The following MDGA2 variants were observed in gnomAD, a reference collection of about 807,000 sequenced individuals.
MDGA2 encodes MAM domain containing glycosylphosphatidylinositol anchor 2.
Under a neutral mutation model 117.8 loss-of-function variants are expected in MDGA2, and 40 were observed. The ratio of observed to expected loss-of-function variants is 0.34; its 90% CI spans 0.26 to 0.44. The LOEUF is 0.44. Among genes scored for constraint, MDGA2 ranks in the 20% least tolerant of loss-of-function variants. MDGA2 has a pLI of 1.00. For synonymous variants in MDGA2, 452 were observed against 439.0 expected, an observed-to-expected ratio of 1.03 and a Z score of -0.37; for missense variants, 1,123 against 1,250.6, an observed-to-expected ratio of 0.90 and a Z score of 1.54.
intron 5 of MDGA2, among the ~76,000 whole-genome samples, chr14:47,109,110 G>A (rs1318504067): frequency 6.6e-6 from 1 of 152,164 alleles, no homozygotes; most frequent in Non-Finnish European, 1.5e-5. Flanking sequence ...CTCCCATAGA[G>A]AGAAAAATCC....
chr14:46,852,716 T>A (rs1325747496), intron 15 of MDGA2, among the ~76,000 whole-genome samples: 1 of 151,864 alleles, frequency 6.6e-6, no homozygotes, highest in African/African-American at 2.4e-5. Flanking sequence ...GGACATTTGG[T>A]AGACGACTCA....
At chr14:47,053,836 T>G (rs1889564559) in intron 7 of MDGA2, among the ~76,000 whole-genome samples, 2 of 151,912 alleles carry the variant, frequency 1.3e-5, no homozygotes, top group South Asian at 4.1e-4. Context: ...CGCTTCTCTC[T>G]GCAGTTCAGT....
chr14:47,437,486 A>G (rs1228270977), intron 1 of MDGA2, among the ~76,000 whole-genome samples: 2 of 152,162 alleles, frequency 1.3e-5, no homozygotes, highest in African/African-American at 4.8e-5. Context: ...ATTGCAAATT[A>G]CTAGAAGACA....
intron 2 of MDGA2, among the ~76,000 whole-genome samples, chr14:47,231,812 A>G (rs1886702690): frequency 6.6e-6 from 1 of 152,008 alleles, no homozygotes; most frequent in Non-Finnish European, 1.5e-5. Context: ...AGGTCTGAGA[A>G]TCTTCTGAAA....
intron 4 of MDGA2, among the ~76,000 whole-genome samples, chr14:47,139,578 G>C (rs1173809652): frequency 8.6e-5 from 13 of 150,862 alleles, no homozygotes; most frequent in African/African-American, 2.9e-4. Context: ...AAGCCACAAA[G>C]GTCAATGACT....
chr14:47,098,162 GT>G (rs113151791), intron 5 of MDGA2, among the ~76,000 whole-genome samples: 2 of 141,594 alleles, frequency 1.4e-5, no homozygotes, highest in Admixed American at 7.4e-5. Flanking sequence ...ATTGTACTGT[GT>G]TTTTTTTAAT....
At chr14:47,030,965 G>A (rs1888643538) in intron 8 of MDGA2, among the ~76,000 whole-genome samples, 1 of 152,068 alleles carries the variant, frequency 6.6e-6, no homozygotes, top group Non-Finnish European at 1.5e-5. Context: ...TTTCATTGTA[G>A]TGACTATGTT....
intron 1 of MDGA2, among the ~76,000 whole-genome samples, chr14:47,390,707 G>C (rs1315005073): frequency 1.3e-5 from 2 of 152,102 alleles, no homozygotes; most frequent in Non-Finnish European, 1.5e-5. Context: ...CCAGTTTAAT[G>C]CTTATTCAAT....
At chr14:47,031,918 A>G (rs1888677790) in intron 8 of MDGA2, among the ~76,000 whole-genome samples, 1 of 152,176 alleles carries the variant, frequency 6.6e-6, no homozygotes, top group Non-Finnish European at 1.5e-5. Context: ...CATGCTTCCT[A>G]TACAGCCTGC....
intron 1 of MDGA2, among the ~76,000 whole-genome samples, chr14:47,413,941 T>G (rs1892424553): frequency 6.6e-6 from 1 of 152,132 alleles, no homozygotes; most frequent in Non-Finnish European, 1.5e-5. Flanking sequence ...ACAGTGCCTA[T>G]GTCTCAGGCT....
intron 8 of MDGA2, among the ~76,000 whole-genome samples, chr14:47,023,212 A>AAAGAAAAAAG (rs1888356012): frequency 6.6e-6 from 1 of 151,522 alleles, no homozygotes; most frequent in African/African-American, 2.4e-5. Flanking sequence ...AAAAAAAAAA[A>AAAGAAAAAAG]AAAAAGAAAA....
intron 1 of MDGA2, among the ~76,000 whole-genome samples, chr14:47,552,257 G>A (rs992936090): frequency 6.6e-6 from 1 of 152,058 alleles, no homozygotes; most frequent in South Asian, 2.1e-4. Flanking sequence ...TTTGACTGTC[G>A]TATGTATCCC....
chr14:47,383,231 G>C (rs1891676924), intron 1 of MDGA2, among the ~76,000 whole-genome samples: 1 of 151,918 alleles, frequency 6.6e-6, no homozygotes. Context: ...AGCATTAGGA[G>C]ATATATCTAA....
chr14:46,889,855 T>C (rs1882812561), intron 10 of MDGA2, among the ~76,000 whole-genome samples: 1 of 152,048 alleles, frequency 6.6e-6, no homozygotes, highest in Non-Finnish European at 1.5e-5. Context: ...TCTTGCAATC[T>C]TCCTCAACTA....
chr14:47,181,465 T>C (rs1160809588), intron 3 of MDGA2, among the ~76,000 whole-genome samples: 1 of 149,654 alleles, frequency 6.7e-6, no homozygotes, highest in Non-Finnish European at 1.5e-5. Context: ...AATGAGATCA[T>C]GTCCTTTGCA....
intron 6 of MDGA2, among the ~76,000 whole-genome samples, chr14:47,092,666 C>T (rs1440893994): frequency 6.6e-6 from 1 of 152,056 alleles, no homozygotes; most frequent in Non-Finnish European, 1.5e-5. Flanking sequence ...TCTGAAGAAA[C>T]TAAAACCTGT....
chr14:47,465,451 T>C (rs994994607), intron 1 of MDGA2, among the ~76,000 whole-genome samples: 2 of 151,732 alleles, frequency 1.3e-5, no homozygotes, highest in African/African-American at 2.4e-5. Context: ...AGGTCTAATA[T>C]CCAGAGTCTA....
At chr14:47,540,736 A>T (rs1303089853) in intron 1 of MDGA2, among the ~76,000 whole-genome samples, 1 of 151,442 alleles carries the variant, frequency 6.6e-6, no homozygotes, top group Non-Finnish European at 1.5e-5. Context: ...AATTAAAAAC[A>T]TGTATTTTTT....
chr14:47,614,626 A>G (rs899225174), intron 1 of MDGA2, among the ~76,000 whole-genome samples: 1 of 152,242 alleles, frequency 6.6e-6, no homozygotes, highest in Non-Finnish European at 1.5e-5. Context: ...GATTTTAAAA[A>G]GGCCAAGTTT....
Sources: allele counts gnomAD v4.1 joint callset (sites outside exome capture counted in the v4.1 genomes callset), GRCh38; gene constraint gnomAD v4.1.1; transcripts MANE v1.5; gene names NCBI Gene and HGNC (gene_info 2026-07-23, HGNC 2026-07-21).